The following DNM3 variants were observed in gnomAD, a reference collection of about 807,000 sequenced individuals.
The protein encoded by DNM3 is dynamin-3.
DNM3 carries 47 observed loss-of-function variants against 101.6 expected under a neutral mutation model. The ratio of observed to expected loss-of-function variants is 0.46; its 90% CI spans 0.37 to 0.59. The LOEUF (loss-of-function observed/expected upper bound fraction) is 0.59, where lower values mean the gene tolerates loss of function less well. Among genes scored for constraint, DNM3 ranks in the 20% least tolerant of loss-of-function variants. The pLI, the probability that DNM3 is intolerant of heterozygous loss-of-function variation, is 0.00. For synonymous variants in DNM3, 385 were observed against 387.9 expected, an observed-to-expected ratio of 0.99 and a Z score of 0.09; for missense variants, 849 against 1,085.7, an observed-to-expected ratio of 0.78 and a Z score of 3.06.
chr1:172,408,129 T>C lies in DNM3; in HGVS notation c.*288T>C, dbSNP rs1032217004. 2.5e-6 allele frequency: 3 copies of C among 1,179,822 alleles called. No individual in the cohort carries two copies. The highest frequency in any genetic ancestry group is 1.5e-5 in the African/African-American group (1 of 64,650). 73.1% of individuals were successfully genotyped at this position (1,179,822 alleles called of 1,614,324 possible). A position where few individuals can be genotyped will look rare whatever the true frequency, so the allele number is the denominator to read the frequency against. On this transcript the variant is annotated 3_prime_UTR_variant, in exon 21 of 21. Transcript: ENST00000627582. The stretch of plus-strand genomic sequence containing the variant: ...GATCATTTGCCTACCATGGCATATA[T>C]TTGAAATTGCTTTGGACAAGTTTTC...
At chr1:172,132,779 C>A (rs2148089835) in intron 14 of DNM3, 1 of 645,060 alleles carries the variant, frequency 1.6e-6, no homozygotes, top group Non-Finnish European at 2.8e-6. Flanking sequence ...CTCATTTAAC[C>A]ATATTCAGCC....
chr1:172,044,680 ACT>A (rs2049636134), intron 9 of DNM3, among the ~76,000 whole-genome samples: 9 of 152,170 alleles, frequency 5.9e-5, no homozygotes, highest in African/African-American at 2.2e-4. Context: ...TCCAGCCTGT[ACT>A]CTGCACAATA....
At chr1:172,300,214 G>C (rs1216931851) in intron 15 of DNM3, among the ~76,000 whole-genome samples, 1 of 151,494 alleles carries the variant, frequency 6.6e-6, no homozygotes, top group Non-Finnish European at 1.5e-5. Flanking sequence ...CATGTCCTTT[G>C]CCTACTTTTT....
intron 2 of DNM3, among the ~76,000 whole-genome samples, chr1:171,922,142 TGTGTGTGTGTGTGC>T (rs1172130635): frequency 6.8e-5 from 9 of 133,042 alleles, no homozygotes; most frequent in South Asian, 2.6e-4. Flanking sequence ...TGTGTGTGTG[TGTGTGTGTGTGTGC>T]GTATGTGTGC....
At chr1:172,275,297 A>G (rs1263888166) in intron 15 of DNM3, among the ~76,000 whole-genome samples, 1 of 152,066 alleles carries the variant, frequency 6.6e-6, no homozygotes, top group Non-Finnish European at 1.5e-5. Context: ...GAATATACAG[A>G]TGATAGAACA....
intron 4 of DNM3, among the ~76,000 whole-genome samples, chr1:172,016,995 C>G (rs886196906): frequency 2.0e-5 from 3 of 152,058 alleles, no homozygotes; most frequent in African/African-American, 7.2e-5. Context: ...GGGAATTGGT[C>G]CATTGTATTT....
chr1:172,269,267 G>A (rs2062988994), intron 15 of DNM3, among the ~76,000 whole-genome samples: 1 of 152,160 alleles, frequency 6.6e-6, no homozygotes, highest in Non-Finnish European at 1.5e-5. Flanking sequence ...TTTCTTCTAG[G>A]ATTTCAGAGC....
chr1:172,107,889 A>C (rs1012160912), intron 13 of DNM3, among the ~76,000 whole-genome samples: 1 of 152,226 alleles, frequency 6.6e-6, no homozygotes, highest in Non-Finnish European at 1.5e-5. Context: ...CCTGAGTCAG[A>C]ATATTCCACA....
At chr1:172,160,874 G>A (rs1189812384) in intron 14 of DNM3, among the ~76,000 whole-genome samples, 1 of 151,896 alleles carries the variant, frequency 6.6e-6, no homozygotes, top group Non-Finnish European at 1.5e-5. Flanking sequence ...TGAGTAATGT[G>A]TTGCACTACA....
At chr1:171,975,752 G>T (rs1326935772) in intron 2 of DNM3, among the ~76,000 whole-genome samples, 1 of 152,112 alleles carries the variant, frequency 6.6e-6, no homozygotes, top group African/African-American at 2.4e-5. Context: ...GAAAATAAAA[G>T]AACCCAGAAT....
rs368852759 is a variant in DNM3, at chr1:172,069,790, A to G, written c.1422+885A>G. ...GGACTGTTGTTTTCTCATGTACAGC[A>G]TTAATATATTGGTCTATATGCTCTC... On this transcript the variant is annotated intron_variant, in intron 11 of 20. Transcript: ENST00000627582. Among the ~76,000 whole-genome samples the G allele has an allele frequency of 2.0e-4, 30 of 152,324 alleles. No homozygotes were observed. The South Asian group carries it at 6.0e-3, about 30-fold the overall frequency.
chr1:171,987,576 A>G (rs2045348945), intron 2 of DNM3, 80 bp from the exon 3 acceptor site: 2 of 1,374,924 alleles, frequency 1.5e-6, no homozygotes, highest in Admixed American at 2.5e-5. Context: ...GGATACTTTG[A>G]CTTATAATTA....
At chr1:172,064,352 T>C (rs1339676731) in intron 10 of DNM3, among the ~76,000 whole-genome samples, 1 of 152,152 alleles carries the variant, frequency 6.6e-6, no homozygotes, top group Non-Finnish European at 1.5e-5. Flanking sequence ...CAAAAGTGAT[T>C]GACAATTATA....
exon 21 of DNM3, chr1:172,418,378 T>C: frequency 7.9e-7 from 1 of 1,259,354 alleles, no homozygotes; most frequent in Non-Finnish European, 1.0e-6. Context: ...TTTAAAAGCT[T>C]TTCATTTGCA....
In DNM3 at chr1:172,404,766, C is replaced by T. The variant is rs570055033; in HGVS notation, c.2523-3006C>T. 1.7e-3 allele frequency among the ~76,000 whole-genome samples: 263 copies of T among 152,018 alleles called. 1 individual carries two copies. The highest frequency in any genetic ancestry group is 3.0e-3 in the Non-Finnish European group (202 of 67,886). On this transcript the variant is annotated intron_variant, in intron 20 of 20. Transcript: ENST00000627582. ...CTTCCCAGAGTGTATTCTCAGACTC[C>T]GAATTACAAAATTTTGCCCCACTTT...
intron 2 of DNM3, among the ~76,000 whole-genome samples, chr1:171,938,909 C>T (rs1394585999): frequency 6.6e-6 from 1 of 152,172 alleles, no homozygotes; most frequent in African/African-American, 2.4e-5. Flanking sequence ...TTTCAGGTCA[C>T]TGTTCTTTTA....
chr1:171,951,629 T>C (rs2042533024), intron 2 of DNM3, among the ~76,000 whole-genome samples: 1 of 152,174 alleles, frequency 6.6e-6, no homozygotes, highest in Non-Finnish European at 1.5e-5. Flanking sequence ...TTTATATAAA[T>C]GCTCCTTGAA....
intron 2 of DNM3, 78 bp from the exon 3 acceptor site, chr1:171,987,578 T>C: frequency 7.1e-7 from 1 of 1,398,744 alleles, no homozygotes; most frequent in East Asian, 2.3e-5. Flanking sequence ...ATACTTTGAC[T>C]TATAATTAAA....
Position 172,048,635 on chromosome 1 carries a change from T to C in DNM3, c.1220T>C (p.Met407Thr). Reference sequence around the variant, plus strand: ...AGGACAGGGTTGTTTACTCCAGACATGGCATTTGAAGCGATAGTCAAGAAA... The same window carrying C: ...AGGACAGGGTTGTTTACTCCAGACACGGCATTTGAAGCGATAGTCAAGAAA... ...GIRTGLFTPD[M>T]AFEAIVKKQI... The change falls in exon 10 of 21, where the codon ATG (methionine) becomes ACG (threonine). Residue 407 changes from methionine to threonine, a missense_variant. By Grantham distance (81) the Met-to-Thr change is moderately conservative. Transcript: ENST00000627582. 1 of 1,613,482 alleles carries C rather than the reference T, an allele frequency of 6.2e-7. No individual in the cohort carries two copies. The highest frequency in any genetic ancestry group is 8.5e-7 in the Non-Finnish European group (1 of 1,179,634).
Sources: allele counts gnomAD v4.1 joint callset (sites outside exome capture counted in the v4.1 genomes callset), GRCh38; gene constraint gnomAD v4.1.1; transcripts MANE v1.5; gene names NCBI Gene and HGNC (gene_info 2026-07-23, HGNC 2026-07-21).